DYNC2H1: variants seen among roughly 807,000 people sequenced by gnomAD.
DYNC2H1 encodes the protein dynein cytoplasmic 2 heavy chain 1.
DYNC2H1 carries 410 observed loss-of-function variants against 570.0 expected under a neutral mutation model. The ratio of observed to expected loss-of-function variants is 0.72; its 90% confidence interval spans 0.66 to 0.78. DYNC2H1 has a LOEUF of 0.78. Among genes scored for constraint, DYNC2H1 ranks in the 30% least tolerant of loss-of-function variants. The pLI is 0.00. For synonymous variants in DYNC2H1, 1,688 were observed against 1,677.6 expected, an observed-to-expected ratio of 1.01 and a Z score of -0.15; for missense variants, 4,865 against 5,046.4, an observed-to-expected ratio of 0.96 and a Z score of 1.09.
rs773903856 is a variant in DYNC2H1 at position 103,187,369 on chromosome 11, T to A, written c.6923T>A (p.Leu2308His). 1 of 1,613,096 alleles carries A rather than the reference T, an allele frequency of 6.2e-7. No individual in the cohort carries two copies. The highest frequency in any genetic ancestry group is 1.1e-5 in the South Asian group (1 of 91,062). ...CTGCTCAGGTACGCATTTTCACAAC[T>A]CCGGTCCACTCAAATTGCTACAGTT... ...GMLLRYAFSQ[L>H]RSTQIATVHC... Residue 2308 changes from leucine (L) to histidine (H), a missense_variant, in exon 43 of 89, where the codon CTC becomes CAC. Leu to His is a moderately conservative substitution (Grantham distance 99, BLOSUM62 -3). Coordinates refer to ENST00000375735, the MANE Select transcript of DYNC2H1 (RefSeq NM_001377.3).
chr11:103,384,797 A>G (rs1353181470), intron 83 of DYNC2H1, among the ~76,000 whole-genome samples: 2 of 152,000 alleles, frequency 1.3e-5, no homozygotes, highest in African/African-American at 4.8e-5. Context: ...CCCCATGTTT[A>G]TCACTTGTAT....
rs1861687782 is a variant in DYNC2H1, at chr11:103,177,808, C to T, written c.6127C>T (p.Arg2043Trp). The T allele has an allele frequency of 6.2e-6, 10 of 1,610,232 alleles. No individual in the cohort carries two copies. The highest frequency in any genetic ancestry group is 2.7e-5 in the African/African-American group (2 of 74,682). Residue 2043 changes from arginine to tryptophan, a missense_variant, in exon 38 of 89, where the codon CGG becomes TGG. Coordinates refer to ENST00000375735, the MANE Select transcript of DYNC2H1 (RefSeq NM_001377.3). This position sits in a 1 kb window ranked among gnomAD's most constrained non-coding sequence, Gnocchi z 4.4. ...VLTNSARQVV[R>W]EPQDVSSWII... ...GACAAATAGTGCTCGTCAAGTGGTTCGGGAACCTCAAGGTTAGTCTCTATG... is the reference window on the plus strand; with the variant it reads ...GACAAATAGTGCTCGTCAAGTGGTTTGGGAACCTCAAGGTTAGTCTCTATG...
chr11:103,236,556 A>C lies in DYNC2H1; in HGVS notation c.9819+17A>C, dbSNP rs1218323607. The C allele has an allele frequency of 7.4e-7, 1 of 1,349,420 alleles. No homozygotes were observed. Among genetic ancestry groups the C allele is most frequent in the African/African-American group, 1.5e-5 (1 of 68,228 alleles). The allele number at this position is 1,349,420 out of a possible 1,614,324, so 83.6% of individuals were successfully genotyped here. ...ATATTACAGGTAGTTAATTTATTTT[A>C]ATTTTTTTATTAGAAATGTTTTATT... On this transcript the variant is annotated intron_variant, in intron 63 of 88. Coordinates refer to ENST00000375735, the MANE Select transcript of DYNC2H1 (RefSeq NM_001377.3).
intron 61 of DYNC2H1, among the ~76,000 whole-genome samples, chr11:103,235,213 CT>C (rs1482926518): frequency 6.6e-6 from 1 of 151,890 alleles, no homozygotes; most frequent in Non-Finnish European, 1.5e-5. Flanking sequence ...CACAATCTGC[CT>C]TTAATTAGCT....
chr11:103,346,752 A>T (rs541187885), intron 82 of DYNC2H1, among the ~76,000 whole-genome samples: 1 of 152,344 alleles, frequency 6.6e-6, no homozygotes, highest in Admixed American at 6.5e-5. Context: ...ATTATATTTC[A>T]AGATAACAAA....
At chr11:103,296,604 C>T (rs1362748201) in intron 75 of DYNC2H1, among the ~76,000 whole-genome samples, 1 of 152,122 alleles carries the variant, frequency 6.6e-6, no homozygotes, top group African/African-American at 2.4e-5. Flanking sequence ...TACTCATACT[C>T]ATTCTGCTTT....
chr11:103,240,945 T>C (rs926766308), intron 63 of DYNC2H1, among the ~76,000 whole-genome samples: 3 of 152,160 alleles, frequency 2.0e-5, no homozygotes, highest in African/African-American at 4.8e-5. Context: ...TTTATTTTTC[T>C]TTAGCTACAC....
chr11:103,321,510 G>T (rs1431136351), intron 81 of DYNC2H1, among the ~76,000 whole-genome samples: 1 of 152,094 alleles, frequency 6.6e-6, no homozygotes, highest in Non-Finnish European at 1.5e-5. Flanking sequence ...TTCAAATAAG[G>T]TAGGACTGCT....
At chr11:103,383,246 G>A (rs1008377431) in intron 83 of DYNC2H1, among the ~76,000 whole-genome samples, 1 of 152,110 alleles carries the variant, frequency 6.6e-6, no homozygotes, top group African/African-American at 2.4e-5. Flanking sequence ...CCTGCTTCAC[G>A]TTCTTGTATA....
At chr11:103,110,871 G>A (rs995936987) in intron 1 of DYNC2H1, among the ~76,000 whole-genome samples, 5 of 151,380 alleles carry the variant, frequency 3.3e-5, no homozygotes, top group African/African-American at 4.9e-5. Context: ...TATTACCCAG[G>A]CTGGAGTGCA....
chr11:103,323,892 C>T lies in DYNC2H1; in HGVS notation c.11941C>T (p.Arg3981Cys), dbSNP rs377295698. 10 of 1,611,276 alleles carry T rather than the reference C, an allele frequency of 6.2e-6. No homozygotes were observed. Among genetic ancestry groups the T allele is most frequent in the South Asian group, 3.3e-5 (3 of 90,702 alleles). Residue 3981 changes from arginine to cysteine, a missense_variant, in exon 82 of 89, where the codon CGT (arginine) becomes TGT (cysteine). Around this residue, in one of 5 missense-constraint regions of DYNC2H1, gnomAD observed 2,401 missense variants for 2,454.6 expected, o/e 0.98. Transcript: ENST00000375735. ...LPQSCSILDY[R>C]AVIEKIPEDD... is the part of the protein sequence containing the mutation. ...TTCACTTCTTTATATTTAGGACTAT[C>T]GTGCTGTCATTGAGAAAATTCCAGA...
Position 103,280,340 on chromosome 11 carries a change from C to T in DYNC2H1, c.10696-8C>T. ...AAAAGGCAAGATAATATCTGTTATT[C>T]TTTGCAGGCTGATCAGTTGATGTTC... On this transcript the variant is annotated splice_polypyrimidine_tract_variant and splice_region_variant and intron_variant, in intron 70 of 88. Coordinates refer to ENST00000375735, the MANE Select transcript of DYNC2H1 (RefSeq NM_001377.3). The surrounding 1 kb of genome is among the most constrained non-coding windows in gnomAD (Gnocchi z 4.7). 1 of 1,552,912 alleles carries T rather than the reference C, an allele frequency of 6.4e-7. No individual in the cohort carries two copies. The highest frequency in any genetic ancestry group is 8.7e-7 in the Non-Finnish European group (1 of 1,147,152).
At chr11:103,346,914 G>T (rs568342177) in intron 82 of DYNC2H1, among the ~76,000 whole-genome samples, 1 of 152,260 alleles carries the variant, frequency 6.6e-6, no homozygotes, top group Non-Finnish European at 1.5e-5. Context: ...TAGATGGAAG[G>T]TTGATGGGGG....
chr11:103,211,853 A>C lies in DYNC2H1; in HGVS notation c.8604A>C (p.Thr2868=), dbSNP rs1163137655. ...IHESCKAYGA[T]PSRYMTFLHV... ...AATCTTGTAAAGCATATGGTGCTAC[A>C]CCAAGCCGATACATGACCTTTTTAC... The change falls in exon 54 of 89, where the codon ACA becomes ACC. Residue 2868 remains threonine, a synonymous_variant. Transcript: ENST00000375735. The C allele has an allele frequency of 6.5e-7, 1 of 1,526,778 alleles. No homozygotes were observed. The highest frequency in any genetic ancestry group is 1.3e-5 in the South Asian group (1 of 77,858). 94.6% of individuals were successfully genotyped at this position (1,526,778 alleles called of 1,614,324 possible). A position where few individuals can be genotyped will look rare whatever the true frequency, so the allele number is the denominator to read the frequency against.
At chr11:103,365,831 T>C (rs886559769) in intron 83 of DYNC2H1, among the ~76,000 whole-genome samples, 25 of 152,238 alleles carry the variant, frequency 1.6e-4, no homozygotes, top group African/African-American at 5.8e-4. Flanking sequence ...AAGGAAGAAG[T>C]GGAGCTTATG....
At chr11:103,420,408 C>A (rs556568977) in intron 84 of DYNC2H1, among the ~76,000 whole-genome samples, 13 of 152,180 alleles carry the variant, frequency 8.5e-5, no homozygotes, top group Admixed American at 6.5e-4. Flanking sequence ...AGAAGATCAA[C>A]CCTGAGACAC....
intron 88 of DYNC2H1, among the ~76,000 whole-genome samples, chr11:103,476,754 G>C (rs771227356): frequency 6.6e-6 from 1 of 151,842 alleles, no homozygotes; most frequent in Non-Finnish European, 1.5e-5. Context: ...TGTGGGCGGC[G>C]GAGGGAGAGA....
chr11:103,134,428 T>C lies in DYNC2H1; in HGVS notation c.2205+9T>C, dbSNP rs753065940. 2 of 1,600,720 alleles carry C rather than the reference T, an allele frequency of 1.2e-6. No homozygotes were observed. Among genetic ancestry groups the C allele is most frequent in the Non-Finnish European group, 1.7e-6 (2 of 1,171,868 alleles). On this transcript the variant is annotated intron_variant, in intron 15 of 88. Transcript: ENST00000375735. The stretch of plus-strand genomic sequence containing the variant: ...CAACTGTAGAAGCACAGGTAGAGTA[T>C]GTTTTATTTTGTGTGTATACTTTGA...
chr11:103,414,687 C>T (rs546034166), intron 84 of DYNC2H1, among the ~76,000 whole-genome samples: 2 of 152,136 alleles, frequency 1.3e-5, no homozygotes, highest in Non-Finnish European at 2.9e-5. Context: ...AGCAAAATTT[C>T]AGGATTCAAA....
Sources: allele counts gnomAD v4.1 joint callset (sites outside exome capture counted in the v4.1 genomes callset), GRCh38; gene constraint gnomAD v4.1.1; regional missense constraint gnomAD v4.1.1; non-coding constraint Gnocchi (gnomAD v3.1); transcripts MANE v1.5; gene names NCBI Gene and HGNC (gene_info 2026-07-23, HGNC 2026-07-21).